Variants in KCNT2 observed in about 807,000 individuals in gnomAD.
KCNT2 encodes the protein potassium channel subfamily T member 2.
A neutral mutation model predicts 153.8 loss-of-function variants in KCNT2; 67 were observed. That is an observed-to-expected ratio of 0.44 (90% CI 0.36 to 0.53). The LOEUF (loss-of-function observed/expected upper bound fraction) is 0.53. Among genes scored for constraint, KCNT2 ranks in the 20% least tolerant of loss-of-function variants. The pLI is 0.00. For synonymous variants in KCNT2, 500 were observed against 458.8 expected, an observed-to-expected ratio of 1.09 and a Z score of -1.15; for missense variants, 975 against 1,354.8, an observed-to-expected ratio of 0.72 and a Z score of 4.40.
intron 1 of KCNT2, among the ~76,000 whole-genome samples, chr1:196,557,466 C>T (rs1658831902): frequency 6.6e-6 from 1 of 150,938 alleles, no homozygotes; most frequent in African/African-American, 2.4e-5. Context: ...TCTCAGTGAA[C>T]ACTGTAGCTT....
In KCNT2 at chr1:196,566,043, T is replaced by C. The variant is rs980906286; in HGVS notation, c.95+42172A>G. ...TTAGCTGTATTTAGCAATTCTATAA[T>C]GTATACATATTGTAAACGATAAATA... is the stretch of plus-strand genomic sequence containing the variant. On this transcript the variant is annotated intron_variant, in intron 1 of 27. Coordinates refer to ENST00000294725, the MANE Select transcript of KCNT2 (RefSeq NM_198503.5). 7.9e-5 allele frequency among the ~76,000 whole-genome samples: 12 copies of C among 152,128 alleles called. No homozygotes were observed. In the South Asian group the frequency reaches 2.5e-3, roughly 31 times the overall value.
At chr1:196,533,723 G>T (rs1378176813) in intron 1 of KCNT2, among the ~76,000 whole-genome samples, 3 of 151,864 alleles carry the variant, frequency 2.0e-5, no homozygotes, top group African/African-American at 7.3e-5. Flanking sequence ...TATTGTGGTT[G>T]GCATCATATA....
chr1:196,274,388 A>G (rs559385942), intron 25 of KCNT2, among the ~76,000 whole-genome samples: 1 of 151,834 alleles, frequency 6.6e-6, no homozygotes, highest in South Asian at 2.1e-4. Context: ...TAAGAAATGC[A>G]TAATAAACAT....
At chr1:196,312,286 G>A (rs988405015) in intron 21 of KCNT2, among the ~76,000 whole-genome samples, 5 of 151,644 alleles carry the variant, frequency 3.3e-5, no homozygotes, top group African/African-American at 1.2e-4. Context: ...GAGTAAAGGA[G>A]TGGAGATACA....
intron 14 of KCNT2, among the ~76,000 whole-genome samples, chr1:196,351,790 A>G (rs1351638042): frequency 1.3e-5 from 2 of 152,200 alleles, no homozygotes; most frequent in African/African-American, 4.8e-5. Context: ...ACCAGTTTTC[A>G]AAGGGAATGC....
At chr1:196,501,123 C>A (rs1290648818) in intron 1 of KCNT2, among the ~76,000 whole-genome samples, 1 of 152,200 alleles carries the variant, frequency 6.6e-6, no homozygotes, top group African/African-American at 2.4e-5. Context: ...TTAGTACAAT[C>A]TCTATGGTAA....
At chr1:196,603,968 T>C (rs1373810217) in intron 1 of KCNT2, among the ~76,000 whole-genome samples, 1 of 152,224 alleles carries the variant, frequency 6.6e-6, no homozygotes. Flanking sequence ...TCTTTACTGC[T>C]TTGTGAATCA....
At chr1:196,585,567 C>G (rs934018833) in intron 1 of KCNT2, among the ~76,000 whole-genome samples, 1 of 151,438 alleles carries the variant, frequency 6.6e-6, no homozygotes, top group African/African-American at 2.4e-5. Flanking sequence ...AATAACTGAG[C>G]TATTTATTAC....
intron 25 of KCNT2, among the ~76,000 whole-genome samples, chr1:196,267,092 T>C (rs897707375): frequency 1.5e-4 from 23 of 152,188 alleles, no homozygotes; most frequent in African/African-American, 5.5e-4. Flanking sequence ...CATAGAATAC[T>C]TAAACAGTCC....
At chr1:196,352,342 T>C (rs1197891177) in intron 14 of KCNT2, among the ~76,000 whole-genome samples, 1 of 151,942 alleles carries the variant, frequency 6.6e-6, no homozygotes, top group Admixed American at 6.6e-5. Context: ...TCCTGGACTC[T>C]TTTTGGTTGG....
chr1:196,515,467 A>T (rs1681971574), intron 1 of KCNT2, among the ~76,000 whole-genome samples: 1 of 152,214 alleles, frequency 6.6e-6, no homozygotes, highest in South Asian at 2.1e-4. Flanking sequence ...ATTAGCAAGC[A>T]TTGACTTAAC....
intron 14 of KCNT2, among the ~76,000 whole-genome samples, chr1:196,367,579 A>G (rs777450727): frequency 1.3e-5 from 2 of 152,220 alleles, no homozygotes; most frequent in Non-Finnish European, 2.9e-5. Flanking sequence ...AATCAAGCCT[A>G]CATTTGAATA....
At chr1:196,586,121 A>G (rs1350004945) in intron 1 of KCNT2, among the ~76,000 whole-genome samples, 1 of 151,948 alleles carries the variant, frequency 6.6e-6, no homozygotes, top group Non-Finnish European at 1.5e-5. Flanking sequence ...AAAATTATCC[A>G]GGCGTAGTGG....
At chr1:196,367,237 A>T (rs2148301710) in intron 14 of KCNT2, among the ~76,000 whole-genome samples, 1 of 152,300 alleles carries the variant, frequency 6.6e-6, no homozygotes, top group African/African-American at 2.4e-5. Context: ...TATAAAAAAA[A>T]ATCATGTAGT....
chr1:196,250,237 T>G (rs1655836684), intron 26 of KCNT2, among the ~76,000 whole-genome samples: 1 of 152,034 alleles, frequency 6.6e-6, no homozygotes, highest in Non-Finnish European at 1.5e-5. Flanking sequence ...GGTACTGGCA[T>G]AAAAACACAG....
In KCNT2 at chr1:196,227,991, T is replaced by G. The variant is rs564357408; in HGVS notation, c.*233A>C. On this transcript the variant is annotated 3_prime_UTR_variant, in exon 28 of 28. Coordinates refer to ENST00000294725, the MANE Select transcript of KCNT2 (RefSeq NM_198503.5). The stretch of plus-strand genomic sequence containing the variant: ...TAAATGTCAGATTTAAATTTTTGTA[T>G]TTTAATTTAGCTTTTCAAATTTATT... The G allele has an allele frequency of 5.5e-4, 184 of 333,264 alleles. 1 individual carries two copies. The highest frequency in any genetic ancestry group is 2.7e-3 in the Admixed American group (58 of 21,240). The allele number at this position is 333,264 out of a possible 1,614,324, so 20.6% of individuals were successfully genotyped here.
rs574605614 is a variant in KCNT2 at position 196,563,461 on chromosome 1, A to G, written c.95+44754T>C. On this transcript the variant is annotated intron_variant, in intron 1 of 27. Coordinates refer to ENST00000294725, the MANE Select transcript of KCNT2 (RefSeq NM_198503.5). The stretch of plus-strand genomic sequence containing the variant: ...AACAAAAAAAAAAAAGAAAAAAGAA[A>G]AAAAAAAAAACTTTTCAAACTTCCA... Among the ~76,000 whole-genome samples the G allele has an allele frequency of 3.9e-4, 22 of 56,618 alleles. No homozygotes were observed. The East Asian group carries it at 0.012, about 30-fold the overall frequency. 37.1% of individuals were successfully genotyped at this position (56,618 alleles called of 152,430 possible). A position where few individuals can be genotyped will look rare whatever the true frequency, so the allele number is the denominator to read the frequency against.
intron 8 of KCNT2, among the ~76,000 whole-genome samples, chr1:196,430,083 A>G (rs1195012028): frequency 6.6e-6 from 1 of 152,002 alleles, no homozygotes; most frequent in African/African-American, 2.4e-5. Context: ...GCTACCTCTA[A>G]TCCCTACCAA....
intron 23 of KCNT2, 151 bp downstream of exon 23, chr1:196,285,506 C>G (rs192481860): frequency 5.9e-5 from 31 of 528,526 alleles, no homozygotes; most frequent in Non-Finnish European, 7.8e-5. Flanking sequence ...GCATTTATGT[C>G]ATTAAGTACA....
Sources: allele counts gnomAD v4.1 joint callset (sites outside exome capture counted in the v4.1 genomes callset), GRCh38; gene constraint gnomAD v4.1.1; transcripts MANE v1.5; gene names NCBI Gene and HGNC (gene_info 2026-07-23, HGNC 2026-07-21).